The following SGPP2 variants were observed in gnomAD, a reference collection of about 807,000 sequenced individuals.
SGPP2 encodes sphingosine-1-phosphate phosphatase 2.
In SGPP2, 30 loss-of-function variants were observed where a neutral mutation model predicts 33.9. The ratio of observed to expected loss-of-function variants is 0.89; its 90% CI spans 0.66 to 1.20. The LOEUF is 1.20. Ranked by LOEUF, SGPP2 falls within the 50% of genes most tolerant of loss-of-function variation. The pLI is 0.00. For synonymous variants in SGPP2, 233 were observed against 225.0 expected (o/e 1.04, Z -0.32); for missense variants, 458 against 532.1 (o/e 0.86, Z 1.37).
At chr2:222,436,842 G>A (rs1456440434) in intron 1 of SGPP2, among the ~76,000 whole-genome samples, 1 of 152,202 alleles carries the variant, frequency 6.6e-6, no homozygotes, top group African/African-American at 2.4e-5. Context: ...TCACCCAACG[G>A]AATGGTGCCA....
At chr2:222,438,079 G>A (rs984019724) in intron 1 of SGPP2, among the ~76,000 whole-genome samples, 25 of 152,178 alleles carry the variant, frequency 1.6e-4, no homozygotes, top group African/African-American at 5.6e-4. Context: ...TAAATGGGCT[G>A]GAGTAACACA....
At chr2:222,444,430 A>G (rs1697369937) in intron 1 of SGPP2, among the ~76,000 whole-genome samples, 1 of 152,128 alleles carries the variant, frequency 6.6e-6, no homozygotes, top group Non-Finnish European at 1.5e-5. Flanking sequence ...GGAAATTTTT[A>G]GAGAGTTTCT....
rs59649395 is a variant in SGPP2, at chr2:222,473,924, C to CAA, written c.220-632_220-631dup. Among the ~76,000 whole-genome samples the CAA allele has an allele frequency of 1.3e-3, 163 of 127,454 alleles. 1 individual carries two copies. Among genetic ancestry groups the CAA allele is most frequent in the Admixed American group, 2.7e-3 (34 of 12,826 alleles). The allele number at this position is 127,454 out of a possible 152,430, so 83.6% of individuals were successfully genotyped here. A position where few individuals can be genotyped will look rare whatever the true frequency, so the allele number is the denominator to read the frequency against. ...GGGCAACAAGAGCAAAACTCTGTCT[C>CAA]AAAAAAAAAAAAAGAATATCAAAAT... On this transcript the variant is annotated intron_variant, in intron 1 of 4. Coordinates refer to ENST00000321276, the MANE Select transcript of SGPP2 (RefSeq NM_152386.4).
At chr2:222,527,457 C>A (rs1007791996) in intron 4 of SGPP2, among the ~76,000 whole-genome samples, 31 of 152,206 alleles carry the variant, frequency 2.0e-4, no homozygotes, top group African/African-American at 7.5e-4. Flanking sequence ...CTTCTCTGAA[C>A]ATGGGGTTTC....
chr2:222,431,252 C>T (rs557707057), intron 1 of SGPP2, among the ~76,000 whole-genome samples: 4 of 151,708 alleles, frequency 2.6e-5, no homozygotes, highest in Admixed American at 1.3e-4. Context: ...GAGTTGTAAT[C>T]GCAGCATTTC....
At chr2:222,556,515 C>T (rs1177336959) in intron 4 of SGPP2, among the ~76,000 whole-genome samples, 2 of 139,852 alleles carry the variant, frequency 1.4e-5, no homozygotes, top group African/African-American at 2.7e-5. Flanking sequence ...CCTGACCACC[C>T]TCACTCCTCC....
intron 1 of SGPP2, among the ~76,000 whole-genome samples, chr2:222,428,452 C>T (rs1051751042): frequency 1.6e-4 from 25 of 152,330 alleles, no homozygotes; most frequent in Admixed American, 7.2e-4. Flanking sequence ...CTCAGCAGTA[C>T]ATTAGACTAA....
intron 2 of SGPP2, among the ~76,000 whole-genome samples, chr2:222,495,506 C>T (rs554423330): frequency 1.3e-4 from 20 of 152,270 alleles, no homozygotes; most frequent in African/African-American, 4.8e-4. Context: ...AGAGAATATC[C>T]TCAAGATCTC....
At chr2:222,489,834 G>C (rs1027229663) in intron 2 of SGPP2, among the ~76,000 whole-genome samples, 4 of 151,960 alleles carry the variant, frequency 2.6e-5, no homozygotes, top group African/African-American at 9.7e-5. Context: ...GCATCGTGGC[G>C]CATGCCTGTA....
chr2:222,455,016 G>A (rs554901983), intron 1 of SGPP2, among the ~76,000 whole-genome samples: 17 of 152,170 alleles, frequency 1.1e-4, no homozygotes, highest in South Asian at 4.2e-4. Flanking sequence ...GGTGCCCAGC[G>A]TCCTTGCCTT....
At chr2:222,540,604 T>C (rs1487724964) in intron 4 of SGPP2, among the ~76,000 whole-genome samples, 3 of 152,102 alleles carry the variant, frequency 2.0e-5, no homozygotes, top group Non-Finnish European at 4.4e-5. Context: ...CTGGGAACGG[T>C]GCGCAGTAAA....
At position 222,558,502 on chromosome 2, in the gene SGPP2, T is replaced by C. The variant is rs1689458655; in HGVS notation, c.804T>C (p.Asp268=). Reference sequence around the variant, plus strand: ...TGTGTTACAATTACCCTGTTTCTGATTACTACAGCCCAACCCGGGCGGACA... The same window carrying C: ...TGTGTTACAATTACCCTGTTTCTGACTACTACAGCCCAACCCGGGCGGACA... The part of the protein sequence containing the change: ...FFLCYNYPVS[D]YYSPTRADTT... Residue 268 remains aspartate (D), a synonymous_variant, in exon 5 of 5, where the codon GAT becomes GAC. Transcript: ENST00000321276. The C allele has an allele frequency of 6.2e-7, 1 of 1,614,058 alleles. No individual in the cohort carries two copies. The highest frequency in any genetic ancestry group is 1.3e-5 in the African/African-American group (1 of 74,920).
intron 2 of SGPP2, among the ~76,000 whole-genome samples, chr2:222,495,650 G>C (rs1698268464): frequency 6.6e-6 from 1 of 151,966 alleles, no homozygotes; most frequent in Non-Finnish European, 1.5e-5. Flanking sequence ...TTACTACAAG[G>C]AACCCCCACC....
chr2:222,508,296 A>G (rs1045367081), intron 2 of SGPP2, among the ~76,000 whole-genome samples: 1 of 152,122 alleles, frequency 6.6e-6, no homozygotes. Context: ...TAGATTCGGT[A>G]GTGAGTTTGT....
At chr2:222,523,130 A>G (rs563627925) in intron 3 of SGPP2, among the ~76,000 whole-genome samples, 19 of 152,376 alleles carry the variant, frequency 1.2e-4, no homozygotes, top group Non-Finnish European at 2.1e-4. Flanking sequence ...ATGTAGCTGG[A>G]AAGACCAGGA....
intron 4 of SGPP2, among the ~76,000 whole-genome samples, chr2:222,553,805 T>A (rs546851292): frequency 6.6e-6 from 1 of 152,314 alleles, no homozygotes; most frequent in African/African-American, 2.4e-5. Context: ...CAGACTTGAG[T>A]CCAGTGGAGC....
chr2:222,552,706 C>A (rs1689316482), intron 4 of SGPP2, among the ~76,000 whole-genome samples: 1 of 151,962 alleles, frequency 6.6e-6, no homozygotes, highest in South Asian at 2.1e-4. Flanking sequence ...ACTAAAAATA[C>A]AAAATTAGCT....
chr2:222,429,343 C>T (rs950716342), intron 1 of SGPP2, among the ~76,000 whole-genome samples: 17 of 152,154 alleles, frequency 1.1e-4, no homozygotes, highest in African/African-American at 4.1e-4. Flanking sequence ...TCATGGCAGC[C>T]GTGACATTTT....
chr2:222,533,260 A>G (rs977857806), intron 4 of SGPP2, among the ~76,000 whole-genome samples: 1 of 152,008 alleles, frequency 6.6e-6, no homozygotes, highest in Non-Finnish European at 1.5e-5. Context: ...GAGTGTCATC[A>G]CCTTCCCTTT....
Sources: allele counts gnomAD v4.1 joint callset (sites outside exome capture counted in the v4.1 genomes callset), GRCh38; gene constraint gnomAD v4.1.1; transcripts MANE v1.5; gene names NCBI Gene and HGNC (gene_info 2026-07-23, HGNC 2026-07-21).